The following PDCL3 variants were observed in gnomAD, a reference collection of about 807,000 sequenced individuals.
The protein encoded by PDCL3 is phosducin-like protein 3.
Under a neutral mutation model 26.5 loss-of-function variants are expected in PDCL3, and 22 were observed. The ratio of observed to expected loss-of-function variants is 0.83; its 90% CI spans 0.59 to 1.19. PDCL3 has a LOEUF of 1.19. PDCL3 is among the 50% of genes most tolerant of loss of function. PDCL3 has a pLI of 0.00. For synonymous variants in PDCL3, 81 were observed against 104.9 expected, an observed-to-expected ratio of 0.77 and a Z score of 1.39; for missense variants, 246 against 294.1, an observed-to-expected ratio of 0.84 and a Z score of 1.20.
intron 5 of PDCL3, among the ~76,000 whole-genome samples, chr2:100,573,909 CAT>C (rs997376448): frequency 1.3e-5 from 2 of 152,064 alleles, no homozygotes; most frequent in Admixed American, 1.3e-4. Context: ...AGTGAACTTA[CAT>C]ATAACGATTG....
rs1002860687 is a variant in PDCL3 at position 100,572,941 on chromosome 2, G to A, written c.577+1143G>A. On this transcript the variant is annotated intron_variant, in intron 5 of 5. Transcript: ENST00000264254. ...GCTCTTTCGCTCAGGCTGGAGTGCA[G>A]TGGTGCGATCTTGGTTCACTGGAAC... is the stretch of plus-strand genomic sequence containing the variant. Among the ~76,000 whole-genome samples the A allele has an allele frequency of 4.6e-5, 7 of 152,230 alleles. No individual in the cohort carries two copies. The South Asian group carries it at 1.0e-3, about 23-fold the overall frequency.
intron 5 of PDCL3, chr2:100,572,026 T>C (rs1464442732): frequency 3.8e-6 from 2 of 525,030 alleles, no homozygotes; most frequent in East Asian, 3.4e-5. Context: ...GACTTAAATA[T>C]AAACATTTTT....
At chr2:100,572,473 A>G (rs1051646236) in intron 5 of PDCL3, among the ~76,000 whole-genome samples, 1 of 151,930 alleles carries the variant, frequency 6.6e-6, no homozygotes, top group South Asian at 2.1e-4. Flanking sequence ...CAGCCTCCCA[A>G]AGTGCTGGGA....
At chr2:100,564,285 T>TTTTGTTTGTTTG (rs111283698) in intron 1 of PDCL3, among the ~76,000 whole-genome samples, 2 of 149,838 alleles carry the variant, frequency 1.3e-5, no homozygotes, top group African/African-American at 2.5e-5. Context: ...ATTCTGCTCT[T>TTTTGTTTGTTTG]TTTGTTTGTT....
At chr2:100,574,003 AT>A (rs1229288487) in intron 5 of PDCL3, among the ~76,000 whole-genome samples, 3 of 151,996 alleles carry the variant, frequency 2.0e-5, no homozygotes, top group Non-Finnish European at 4.4e-5. Context: ...AGAGAGATAT[AT>A]ATATTTTTTT....
rs1306840097 is a variant in PDCL3, at chr2:100,571,510, T to G, written c.369-80T>G. On this transcript the variant is annotated intron_variant, in intron 4 of 5. Coordinates refer to ENST00000264254, the MANE Select transcript of PDCL3 (RefSeq NM_024065.5). ...TGTGAAACTGTTACAAGGTTTTACT[T>G]AGGGTAGAAGGGTCATTGAGCTTTG... The G allele has an allele frequency of 2.4e-6, 3 of 1,260,384 alleles. No individual in the cohort carries two copies. In the African/African-American group the frequency reaches 4.5e-5, roughly 19 times the overall value. The allele number at this position is 1,260,384 out of a possible 1,614,324, so 78.1% of individuals were successfully genotyped here. A position where few individuals can be genotyped will look rare whatever the true frequency, so the allele number is the denominator to read the frequency against.
chr2:100,569,626 C>T lies in PDCL3; in HGVS notation c.273C>T (p.Phe91=), dbSNP rs1052117. ...AAGCAACTAAACTGAAGAATAAATT[C>T]GGAGAAGTTTTGGAGATCTCAGGGA... ...EWKATKLKNK[F]GEVLEISGKD... is the part of the protein sequence containing the mutation. The change falls in exon 4 of 6, where the codon TTC becomes TTT. Residue 91 remains phenylalanine (F), a synonymous_variant. Transcript: ENST00000264254. 739,064 of 1,599,950 alleles carry T rather than the reference C, an allele frequency of 0.46. 181,242 individuals carry two copies. Among genetic ancestry groups the T allele is most frequent in the East Asian group, 0.98 (43,897 of 44,870 alleles).
chr2:100,571,051 G>A (rs1022975754), intron 4 of PDCL3, among the ~76,000 whole-genome samples: 2 of 149,092 alleles, frequency 1.3e-5, no homozygotes, highest in South Asian at 2.1e-4. Context: ...AAGCCATTGC[G>A]GCCGGATCTC....
chr2:100,564,030 GCC>G (rs1675011434), intron 1 of PDCL3, among the ~76,000 whole-genome samples: 1 of 151,244 alleles, frequency 6.6e-6, no homozygotes, highest in African/African-American at 2.4e-5. Context: ...TCCCTTGTCA[GCC>G]TCCGGAGTAG....
At chr2:100,574,797 CTT>C (rs1172391226) in intron 5 of PDCL3, among the ~76,000 whole-genome samples, 2 of 152,188 alleles carry the variant, frequency 1.3e-5, no homozygotes, top group African/African-American at 2.4e-5. Context: ...TCATGGAACA[CTT>C]TAAGTTAATA....
Position 100,574,491 on chromosome 2 carries a change from G to C in PDCL3, c.578-1863G>C, listed in dbSNP as rs550609306. On this transcript the variant is annotated intron_variant, in intron 5 of 5. Transcript: ENST00000264254. Reference sequence around the variant, plus strand: ...CTGAGGTATGATGACCAAAACAATTGAATATATTTAAGATATACAACATGG... The same window carrying C: ...CTGAGGTATGATGACCAAAACAATTCAATATATTTAAGATATACAACATGG... 4.6e-5 allele frequency among the ~76,000 whole-genome samples: 7 copies of C among 151,032 alleles called. No homozygotes were observed. The East Asian group carries it at 9.7e-4, about 21-fold the overall frequency.
chr2:100,569,513 C>A, intron 3 of PDCL3, 65 bp from the exon 4 acceptor site: 1 of 1,562,508 alleles, frequency 6.4e-7, no homozygotes, highest in Middle Eastern at 2.4e-4. Context: ...CAAGGATTGC[C>A]TTCTAGACGA....
At chr2:100,571,357 G>T (rs138253358) in intron 4 of PDCL3, among the ~76,000 whole-genome samples, 2 of 151,996 alleles carry the variant, frequency 1.3e-5, no homozygotes, top group African/African-American at 4.8e-5. Context: ...GTGCTACTTG[G>T]GGGGCTGAGG....
In PDCL3 at chr2:100,571,676, C is replaced by T; in HGVS notation, c.455C>T (p.Thr152Ile). ...PDVKFIKAIS[T>I]TCIPNYPDRN... ...GTCAAATTTATCAAAGCCATTTCAA[C>T]AACCTGCATACCCAATTATCCTGAT... is the stretch of plus-strand genomic sequence containing the variant. Residue 152 changes from threonine (T) to isoleucine (I), a missense_variant, in exon 5 of 6, where the codon ACA becomes ATA. By Grantham distance (89) the Thr-to-Ile change is moderately conservative. Coordinates refer to ENST00000264254, the MANE Select transcript of PDCL3 (RefSeq NM_024065.5). 1 of 1,613,610 alleles carries T rather than the reference C, an allele frequency of 6.2e-7. No individual in the cohort carries two copies. The highest frequency in any genetic ancestry group is 8.5e-7 in the Non-Finnish European group (1 of 1,179,880).
intron 5 of PDCL3, among the ~76,000 whole-genome samples, chr2:100,574,589 T>C (rs907004193): frequency 6.6e-6 from 1 of 152,222 alleles, no homozygotes; most frequent in Non-Finnish European, 1.5e-5. Context: ...TTCACATAGC[T>C]GCCCTCACTG....
chr2:100,562,997 G>A lies in PDCL3; in HGVS notation c.-71G>A. On this transcript the variant is annotated 5_prime_UTR_variant, in exon 1 of 6. In the 5' UTR this introduces an upstream ATG that the reference lacks. Coordinates refer to ENST00000264254, the MANE Select transcript of PDCL3 (RefSeq NM_024065.5). ...GAAGAGGCGTGGCGGCGCTGTGCGCGTGCACAAAAGAGAGCTGAGGGGCGG... is the reference window on the plus strand; with the variant it reads ...GAAGAGGCGTGGCGGCGCTGTGCGCATGCACAAAAGAGAGCTGAGGGGCGG... 1.3e-6 allele frequency: 2 copies of A among 1,563,808 alleles called. No homozygotes were observed. The highest frequency in any genetic ancestry group is 1.2e-5 in the South Asian group (1 of 84,656).
chr2:100,573,959 A>G (rs1038684253), intron 5 of PDCL3, among the ~76,000 whole-genome samples: 1 of 152,162 alleles, frequency 6.6e-6, no homozygotes, highest in African/African-American at 2.4e-5. Flanking sequence ...ACACTTATGT[A>G]CGTATGTGTG....
At chr2:100,566,725 A>G in intron 2 of PDCL3, 96 bp downstream of exon 2, 3 of 1,546,462 alleles carry the variant, frequency 1.9e-6, no homozygotes. Context: ...GAGTGCCAGC[A>G]TGGACACTCT....
At chr2:100,565,374 C>A (rs12618862) in intron 1 of PDCL3, among the ~76,000 whole-genome samples, 76,635 of 150,812 alleles carry the variant, frequency 0.51, 21,110 homozygotes, top group East Asian at 0.97. Context: ...TCCCGGGTTC[C>A]TGCCACTCTC....
Sources: allele counts gnomAD v4.1 joint callset (sites outside exome capture counted in the v4.1 genomes callset), GRCh38; gene constraint gnomAD v4.1.1; transcripts MANE v1.5; gene names NCBI Gene and HGNC (gene_info 2026-07-23, HGNC 2026-07-21).